The following HMCN1 variants were observed in gnomAD, a reference collection of about 807,000 sequenced individuals.
The protein encoded by HMCN1 is hemicentin-1.
HMCN1 carries 321 observed loss-of-function variants against 625.9 expected under a neutral mutation model. The observed-to-expected ratio is 0.51, with a 90% CI of 0.47 to 0.56. HMCN1 has a LOEUF of 0.56. Ranked by LOEUF, HMCN1 falls within the 20% of genes least tolerant of loss-of-function variation. HMCN1 has a pLI of 0.00. For missense variants in HMCN1, 6,588 were observed against 6,887.3 expected, an observed-to-expected ratio of 0.96 and a Z score of 1.54; for synonymous variants, 2,425 against 2,417.6, an observed-to-expected ratio of 1.00 and a Z score of -0.09.
At chr1:185,801,936 G>T (rs1658822863) in intron 1 of HMCN1, among the ~76,000 whole-genome samples, 1 of 152,138 alleles carries the variant, frequency 6.6e-6, no homozygotes, top group African/African-American at 2.4e-5. Flanking sequence ...TCATGTTTAT[G>T]TCCCAGAAAA....
At chr1:185,846,171 A>T (rs1661801415) in intron 2 of HMCN1, 75 bp downstream of exon 2, 1 of 1,183,414 alleles carries the variant, frequency 8.5e-7, no homozygotes, top group Non-Finnish European at 1.3e-6. Context: ...TTTATTTTTT[A>T]AATCTAAAAG....
chr1:186,151,959 G>GT (rs2102576063), intron 95 of HMCN1, among the ~76,000 whole-genome samples: 1 of 152,184 alleles, frequency 6.6e-6, no homozygotes, highest in East Asian at 1.9e-4. Context: ...TACCCTAAAA[G>GT]TTTTTCTCCT....
At position 185,893,165 on chromosome 1, in the gene HMCN1, C is replaced by T. The variant is rs978504201; in HGVS notation, c.622-16172C>T. 7.9e-4 allele frequency among the ~76,000 whole-genome samples: 120 copies of T among 152,332 alleles called. 2 individuals carry two copies. The highest frequency in any genetic ancestry group is 2.7e-3 in the African/African-American group (111 of 41,578). ...AGTGAGGCAATGCCTCGCCCTGCTTCGGCTCACGCACGGTGCCTGCACCCA... is the reference window on the plus strand; with the variant it reads ...AGTGAGGCAATGCCTCGCCCTGCTTTGGCTCACGCACGGTGCCTGCACCCA... On this transcript the variant is annotated intron_variant, in intron 4 of 106. Coordinates refer to ENST00000271588, the MANE Select transcript of HMCN1 (RefSeq NM_031935.3).
chr1:185,920,643 G>A (rs1425364887), intron 6 of HMCN1, among the ~76,000 whole-genome samples: 4 of 152,042 alleles, frequency 2.6e-5, no homozygotes, highest in African/African-American at 9.7e-5. Context: ...AGTAATAGAT[G>A]TTAACATATT....
At chr1:186,104,207 T>C (rs1395439243) in intron 69 of HMCN1, among the ~76,000 whole-genome samples, 1 of 152,178 alleles carries the variant, frequency 6.6e-6, no homozygotes, top group Admixed American at 6.5e-5. Flanking sequence ...TCTATTCTAC[T>C]AGTAAAGGCA....
chr1:185,971,596 A>G (rs1650838490), intron 15 of HMCN1, among the ~76,000 whole-genome samples: 1 of 152,216 alleles, frequency 6.6e-6, no homozygotes, highest in Non-Finnish European at 1.5e-5. Flanking sequence ...TTTTTAAAGC[A>G]AAAGTTAGAA....
rs1393676935 is a variant in HMCN1 at position 186,103,682 on chromosome 1, T to C, written c.10770+14T>C. On this transcript the variant is annotated intron_variant, in intron 69 of 106. Transcript: ENST00000271588. Reference sequence around the variant, plus strand: ...TCTACTGCTCAGGTAAGTGTCAAAGTTCATAGAATTATTTTAGGTTAGGTC... The same window carrying C: ...TCTACTGCTCAGGTAAGTGTCAAAGCTCATAGAATTATTTTAGGTTAGGTC... 1 of 1,609,960 alleles carries C rather than the reference T, an allele frequency of 6.2e-7. No individual in the cohort carries two copies. The highest frequency in any genetic ancestry group is 8.5e-7 in the Non-Finnish European group (1 of 1,177,116).
At position 185,784,383 on chromosome 1, in the gene HMCN1, C is replaced by T. The variant is rs144047574; in HGVS notation, c.268+49336C>T. On this transcript the variant is annotated intron_variant, in intron 1 of 106. Coordinates refer to ENST00000271588, the MANE Select transcript of HMCN1 (RefSeq NM_031935.3). ...CCTGTACCCACTGTCCGACAAGCCCCAGTGATATGAACCTGGTACCTCCAG... is the reference window on the plus strand; with the variant it reads ...CCTGTACCCACTGTCCGACAAGCCCTAGTGATATGAACCTGGTACCTCCAG... Among the ~76,000 whole-genome samples the T allele has an allele frequency of 1.9e-3, 294 of 152,306 alleles. 1 individual carries two copies. The highest frequency in any genetic ancestry group is 6.6e-3 in the African/African-American group (273 of 41,584).
Position 185,970,319 on chromosome 1 carries a change from C to T in HMCN1, c.2213-16C>T. 3.1e-6 allele frequency: 5 copies of T among 1,609,176 alleles called. No individual in the cohort carries two copies. The highest frequency in any genetic ancestry group is 4.3e-6 in the Non-Finnish European group (5 of 1,175,540). ...ATACTTTAGTGTTTAATGTTCTCCC[C>T]TTTGTTTTGACTTAGGAGATCTTGA... On this transcript the variant is annotated splice_polypyrimidine_tract_variant and intron_variant, in intron 14 of 106. Transcript: ENST00000271588.
At chr1:185,977,228 A>G (rs986849740) in intron 15 of HMCN1, among the ~76,000 whole-genome samples, 2 of 152,158 alleles carry the variant, frequency 1.3e-5, no homozygotes, top group Non-Finnish European at 2.9e-5. Flanking sequence ...TTATTCTAAT[A>G]TTTAAATTTC....
intron 1 of HMCN1, among the ~76,000 whole-genome samples, chr1:185,801,666 G>A (rs1237892531): frequency 6.6e-6 from 1 of 152,188 alleles, no homozygotes; most frequent in Non-Finnish European, 1.5e-5. Context: ...GAACTAAATG[G>A]CAAGGAGGAA....
In HMCN1 at chr1:186,125,745, G is replaced by A. The variant is rs1254873647; in HGVS notation, c.12641G>A (p.Gly4214Glu). 2 of 1,613,364 alleles carry A rather than the reference G, an allele frequency of 1.2e-6. No individual in the cohort carries two copies. Among genetic ancestry groups the A allele is most frequent in the Admixed American group, 1.7e-5 (1 of 59,974 alleles). The change falls in exon 82 of 107, where the codon GGA becomes GAA. Residue 4214 changes from glycine (G) to glutamate (E), a missense_variant. Gly to Glu is a moderately conservative substitution (Grantham distance 98, BLOSUM62 -2). Around this residue, in one of 3 missense-constraint regions of HMCN1, gnomAD observed 1,954 missense variants for 2,013.1 expected, o/e 0.97. Transcript: ENST00000271588. Reference sequence around the variant, plus strand: ...AATGTTCTTTTAGCTAACTTGTTAGGAAAATACACTGCTGAACCATATGGA... The same window carrying A: ...AATGTTCTTTTAGCTAACTTGTTAGAAAAATACACTGCTGAACCATATGGA... ...KDNVLLANLLGKYTAEPYGEL... is the reference protein window; with the variant it reads ...KDNVLLANLLEKYTAEPYGEL...
At chr1:185,752,971 A>G (rs1446985649) in intron 1 of HMCN1, among the ~76,000 whole-genome samples, 1 of 152,168 alleles carries the variant, frequency 6.6e-6, no homozygotes, top group African/African-American at 2.4e-5. Context: ...ATATATAAAA[A>G]GGAGCAGATG....
intron 36 of HMCN1, among the ~76,000 whole-genome samples, chr1:186,024,196 C>T (rs743136): frequency 0.61 from 92,676 of 151,916 alleles, 29,152 homozygotes; most frequent in African/African-American, 0.78. Context: ...AGTTGGGAGA[C>T]GAATATCTGA....
intron 1 of HMCN1, among the ~76,000 whole-genome samples, chr1:185,826,366 C>G (rs1194044510): frequency 6.6e-6 from 1 of 152,112 alleles, no homozygotes; most frequent in African/African-American, 2.4e-5. Flanking sequence ...TTTGGTGATG[C>G]TAAAAGACTG....
In HMCN1 at chr1:186,093,518, G is replaced by A. The variant is rs1290461433; in HGVS notation, c.10045G>A (p.Ala3349Thr). 1.2e-6 allele frequency: 2 copies of A among 1,613,384 alleles called. No homozygotes were observed. Among genetic ancestry groups the A allele is most frequent in the Non-Finnish European group, 1.7e-6 (2 of 1,179,560 alleles). The change falls in exon 66 of 107, where the codon GCA (alanine) becomes ACA (threonine). Residue 3349 changes from alanine (A) to threonine (T), a missense_variant. Around this residue, in one of 3 missense-constraint regions of HMCN1, gnomAD observed 4,628 missense variants for 4,853.1 expected, o/e 0.95. Coordinates refer to ENST00000271588, the MANE Select transcript of HMCN1 (RefSeq NM_031935.3). ...TPTIRGNKDE[A>T]EKLMTLVDTS... ...TACAATTAGGGGTAATAAAGATGAA[G>A]CAGAGAAACTAATGACTTTAGTGGA...
intron 102 of HMCN1, among the ~76,000 whole-genome samples, chr1:186,173,145 A>ATAG (rs1465697143): frequency 3.3e-5 from 5 of 152,342 alleles, no homozygotes; most frequent in Admixed American, 6.5e-5. Context: ...CATTGTAAAA[A>ATAG]TAGTACAGTT....
At chr1:185,865,715 G>GTTTTTTT in intron 3 of HMCN1, 26 bp from the exon 4 acceptor site, 1 of 1,532,580 alleles carries the variant, frequency 6.5e-7, no homozygotes, top group Non-Finnish European at 8.9e-7. Context: ...CCTTTACACT[G>GTTTTTTT]TTTCTTTTTT....
chr1:185,968,686 G>A (rs897196464), intron 14 of HMCN1, among the ~76,000 whole-genome samples: 1 of 151,816 alleles, frequency 6.6e-6, no homozygotes, highest in Non-Finnish European at 1.5e-5. Context: ...AATTTAAACT[G>A]TAGAAAAAAG....
Sources: allele counts gnomAD v4.1 joint callset (sites outside exome capture counted in the v4.1 genomes callset), GRCh38; gene constraint gnomAD v4.1.1; regional missense constraint gnomAD v4.1.1; transcripts MANE v1.5; gene names NCBI Gene and HGNC (gene_info 2026-07-23, HGNC 2026-07-21).